The following SRPK1 variants were observed in gnomAD, a reference collection of about 807,000 sequenced individuals.
SRPK1 encodes SFRS protein kinase 1.
A neutral mutation model predicts 89.5 loss-of-function variants in SRPK1; 52 were observed. The ratio of observed to expected loss-of-function variants is 0.58; its 90% confidence interval spans 0.46 to 0.73. The LOEUF is 0.73. Among genes scored for constraint, SRPK1 ranks in the 30% least tolerant of loss-of-function variants. SRPK1 has a pLI of 0.00. For synonymous variants in SRPK1, 255 were observed against 270.2 expected (o/e 0.94, Z 0.55); for missense variants, 603 against 780.6 (o/e 0.77, Z 2.71).
rs547199648 is a variant in SRPK1 at position 35,848,847 on chromosome 6, G to A, written c.1621-6243C>T. On this transcript the variant is annotated intron_variant, in intron 13 of 15. Coordinates refer to ENST00000373825, the MANE Select transcript of SRPK1 (RefSeq NM_003137.5). Reference sequence around the variant, plus strand: ...TCATCTCACTCCGAATACAAAAATCGAAATGGATGAAAGACTTAATAAGAC... The same window carrying A: ...TCATCTCACTCCGAATACAAAAATCAAAATGGATGAAAGACTTAATAAGAC... 3.5e-4 allele frequency among the ~76,000 whole-genome samples: 53 copies of A among 152,224 alleles called. No individual in the cohort carries two copies. The South Asian group carries it at 4.1e-3, about 12-fold the overall frequency.
At chr6:35,920,230 G>C (rs780575017) in intron 2 of SRPK1, 1 of 612,564 alleles carries the variant, frequency 1.6e-6, no homozygotes, top group South Asian at 1.5e-5. Flanking sequence ...GCGGGCTCTG[G>C]TCCTCCTCCG....
chr6:35,881,396 A>G (rs1368391749), intron 6 of SRPK1, among the ~76,000 whole-genome samples: 1 of 152,092 alleles, frequency 6.6e-6, no homozygotes, highest in Non-Finnish European at 1.5e-5. Flanking sequence ...AAAAGCTAGT[A>G]TGATTATAAC....
At chr6:35,897,910 T>C (rs1031558087) in intron 2 of SRPK1, among the ~76,000 whole-genome samples, 1 of 152,230 alleles carries the variant, frequency 6.6e-6, no homozygotes. Flanking sequence ...ATTTATTAGC[T>C]GCATAGATCA....
rs973173025 is a variant in SRPK1 at position 35,887,902 on chromosome 6, G to T, written c.390+122C>A. On this transcript the variant is annotated intron_variant, in intron 5 of 15. Transcript: ENST00000373825. ...TGTTGTCTTCCTTTACCTCTTTAAG[G>T]TTACTAGAACTTTATAGAGAAAATT... 1.9e-4 allele frequency: 123 copies of T among 639,706 alleles called. No individual in the cohort carries two copies. In the East Asian group the frequency reaches 3.8e-3, roughly 20 times the overall value. 39.6% of individuals were successfully genotyped at this position (639,706 alleles called of 1,614,324 possible).
At chr6:35,838,490 T>C (rs996630347) in intron 14 of SRPK1, 61 bp from the exon 15 acceptor site, 6 of 1,446,986 alleles carry the variant, frequency 4.1e-6, no homozygotes, top group South Asian at 3.9e-5. Context: ...GAGTAACAAA[T>C]GCAGCTCTAG....
chr6:35,914,644 GTTTATT>G, intron 2 of SRPK1, among the ~76,000 whole-genome samples: 1 of 151,942 alleles, frequency 6.6e-6, no homozygotes, highest in South Asian at 2.1e-4. Flanking sequence ...TATGTCTATT[GTTTATT>G]CTGTCTTTCC....
chr6:35,887,157 AG>A (rs1188745753), intron 5 of SRPK1, among the ~76,000 whole-genome samples: 1 of 152,198 alleles, frequency 6.6e-6, no homozygotes, highest in African/African-American at 2.4e-5. Context: ...TGTTTTTTTC[AG>A]CGGACATTTT....
chr6:35,899,400 C>T (rs1770695880), intron 2 of SRPK1, among the ~76,000 whole-genome samples: 2 of 152,146 alleles, frequency 1.3e-5, no homozygotes, highest in Admixed American at 1.3e-4. Flanking sequence ...TCTGCCACTC[C>T]CCTTAACCCG....
chr6:35,902,448 C>A (rs893866699), intron 2 of SRPK1, among the ~76,000 whole-genome samples: 1 of 150,848 alleles, frequency 6.6e-6, no homozygotes, highest in African/African-American at 2.4e-5. Flanking sequence ...AATAAAAATC[C>A]AAAAAAAAGT....
rs1420240144 is a variant in SRPK1 at position 35,860,521 on chromosome 6, G to C, written c.1513-3153C>G. Among the ~76,000 whole-genome samples, 3 of 152,324 alleles carry C rather than the reference G, an allele frequency of 2.0e-5. No individual in the cohort carries two copies. The East Asian group carries it at 5.8e-4, about 29-fold the overall frequency. ...CATGGTGTGGGCAGGAAATTGGCAA[G>C]CATTTGATGTTTGTACGGTGTGATA... On this transcript the variant is annotated intron_variant, in intron 12 of 15. Transcript: ENST00000373825.
At chr6:35,915,461 C>G (rs946577218) in intron 2 of SRPK1, among the ~76,000 whole-genome samples, 5 of 143,828 alleles carry the variant, frequency 3.5e-5, no homozygotes, top group African/African-American at 1.3e-4. Flanking sequence ...ACAAAATGAA[C>G]TAAAAATATT....
At chr6:35,837,543 G>A (rs1247837940) in intron 15 of SRPK1, among the ~76,000 whole-genome samples, 1 of 152,172 alleles carries the variant, frequency 6.6e-6, no homozygotes, top group Non-Finnish European at 1.5e-5. Flanking sequence ...GGATTTGACA[G>A]TCTGGCTCCA....
At chr6:35,870,018 T>C in intron 10 of SRPK1, 117 bp from the exon 11 acceptor site, 4 of 1,204,824 alleles carry the variant, frequency 3.3e-6, no homozygotes, top group Non-Finnish European at 4.6e-6. Context: ...CATAAAAACA[T>C]GACTAAACAT....
At position 35,838,231 on chromosome 6, in the gene SRPK1, C is replaced by T. The variant is rs2151077363; in HGVS notation, c.1783+106G>A. On this transcript the variant is annotated intron_variant, in intron 15 of 15. Coordinates refer to ENST00000373825, the MANE Select transcript of SRPK1 (RefSeq NM_003137.5). The stretch of plus-strand genomic sequence containing the variant: ...ATCTCTTTGCTAAGTCACAGGTTAG[C>T]ATTCAAGGCAGGCCCATCATTCTGT... The T allele has an allele frequency of 2.0e-5, 15 of 763,826 alleles. No homozygotes were observed. The South Asian group carries it at 3.5e-4, about 18-fold the overall frequency. The allele number at this position is 763,826 out of a possible 1,614,324, so 47.3% of individuals were successfully genotyped here.
chr6:35,882,397 G>A (rs141575256), intron 6 of SRPK1, among the ~76,000 whole-genome samples: 60 of 152,044 alleles, frequency 3.9e-4, no homozygotes, highest in African/African-American at 1.3e-3. Flanking sequence ...GCTCACTGCA[G>A]CCTCAAACTC....
chr6:35,906,062 A>G (rs1047811301), intron 2 of SRPK1, among the ~76,000 whole-genome samples: 2 of 152,086 alleles, frequency 1.3e-5, no homozygotes, highest in African/African-American at 4.8e-5. Flanking sequence ...CAGAAAATGT[A>G]CAAGATAAGC....
At chr6:35,916,040 ACACG>A (rs1562000451) in intron 2 of SRPK1, among the ~76,000 whole-genome samples, 8 of 117,530 alleles carry the variant, frequency 6.8e-5, no homozygotes, top group Admixed American at 8.9e-5. Flanking sequence ...ACACACACAC[ACACG>A]TTTATTAATA....
chr6:35,869,662 TTTC>T lies in SRPK1; in HGVS notation c.1228_1230del (p.Glu410del). 1.9e-6 allele frequency: 3 copies of T among 1,614,034 alleles called. No individual in the cohort carries two copies. The highest frequency in any genetic ancestry group is 2.5e-6 in the Non-Finnish European group (3 of 1,179,890). ...GATGTTATAGGTGTACAAGAGTCTG[TTTC>T]TTGAGATGTGCTGCTGTCTCCATTT... is the stretch of plus-strand genomic sequence containing the variant. On this transcript the variant is annotated inframe_deletion, in exon 11 of 16. Coordinates refer to ENST00000373825, the MANE Select transcript of SRPK1 (RefSeq NM_003137.5).
At chr6:35,855,033 G>A (rs917522854) in intron 13 of SRPK1, among the ~76,000 whole-genome samples, 1 of 152,176 alleles carries the variant, frequency 6.6e-6, no homozygotes, top group Non-Finnish European at 1.5e-5. Context: ...CCAGCGCGGT[G>A]GCTCACACCT....
Sources: allele counts gnomAD v4.1 joint callset (sites outside exome capture counted in the v4.1 genomes callset), GRCh38; gene constraint gnomAD v4.1.1; transcripts MANE v1.5; gene names NCBI Gene and HGNC (gene_info 2026-07-23, HGNC 2026-07-21).